CSMD1: variants seen among roughly 807,000 people sequenced by gnomAD.
CSMD1 encodes the protein CUB and Sushi multiple domains 1.
In CSMD1, 213 loss-of-function variants were observed where a neutral mutation model predicts 417.5. The ratio of observed to expected loss-of-function variants is 0.51; its 90% confidence interval spans 0.46 to 0.57. The LOEUF (loss-of-function observed/expected upper bound fraction) is 0.57, where lower values mean the gene tolerates loss of function less well. Among genes scored for constraint, CSMD1 ranks in the 20% least tolerant of loss-of-function variants. The probability of loss-of-function intolerance (pLI) is 0.00; values close to 1 mark genes in which losing one functional copy is unlikely to be tolerated. For synonymous variants in CSMD1, 2,862 were observed against 1,736.8 expected (o/e 1.65, Z -16.11); for missense variants, 6,923 against 4,529.7 (o/e 1.53, Z -15.17).
At chr8:3,142,140 A>G (rs530490636) in intron 41 of CSMD1, among the ~76,000 whole-genome samples, 7 of 152,046 alleles carry the variant, frequency 4.6e-5, no homozygotes, top group Non-Finnish European at 1.0e-4. Flanking sequence ...TGCTGGGGAG[A>G]CTGAATTGAG....
At chr8:4,730,525 G>C (rs1440398607) in intron 1 of CSMD1, among the ~76,000 whole-genome samples, 1 of 152,080 alleles carries the variant, frequency 6.6e-6, no homozygotes, top group Non-Finnish European at 1.5e-5. Flanking sequence ...CGGATCACGA[G>C]GTCAGGAGAT....
intron 3 of CSMD1, among the ~76,000 whole-genome samples, chr8:4,223,411 G>C (rs1801159240): frequency 6.6e-6 from 1 of 152,256 alleles, no homozygotes; most frequent in Non-Finnish European, 1.5e-5. Flanking sequence ...GCAGGAAAGG[G>C]CGTCATCGCC....
chr8:3,941,670 G>C (rs190582749), intron 5 of CSMD1, among the ~76,000 whole-genome samples: 1 of 152,266 alleles, frequency 6.6e-6, no homozygotes, highest in Admixed American at 6.5e-5. Flanking sequence ...AGCCCACGCA[G>C]AGTTTGACTA....
chr8:4,684,550 T>C (rs1806246850), intron 1 of CSMD1, among the ~76,000 whole-genome samples: 1 of 152,194 alleles, frequency 6.6e-6, no homozygotes, highest in African/African-American at 2.4e-5. Context: ...GATTTTCAAA[T>C]CTAGGCTTTG....
At chr8:4,696,205 G>C (rs933149609) in intron 1 of CSMD1, among the ~76,000 whole-genome samples, 2 of 152,206 alleles carry the variant, frequency 1.3e-5, no homozygotes, top group Non-Finnish European at 2.9e-5. Context: ...TATAGGATAT[G>C]TTATTTTCAG....
At chr8:4,711,896 G>A (rs1808324273) in intron 1 of CSMD1, among the ~76,000 whole-genome samples, 1 of 152,138 alleles carries the variant, frequency 6.6e-6, no homozygotes, top group African/African-American at 2.4e-5. Context: ...AATACCAGCT[G>A]GATTAAGTGC....
intron 2 of CSMD1, among the ~76,000 whole-genome samples, chr8:4,577,071 A>G (rs1243875878): frequency 6.6e-6 from 1 of 152,202 alleles, no homozygotes; most frequent in Admixed American, 6.5e-5. Flanking sequence ...GCCAAAAATG[A>G]TTATATGATA....
intron 25 of CSMD1, among the ~76,000 whole-genome samples, chr8:3,298,851 C>G (rs1448719705): frequency 6.6e-6 from 1 of 152,176 alleles, no homozygotes; most frequent in African/African-American, 2.4e-5. Flanking sequence ...GCTCAAAGGT[C>G]TATCCTGAGT....
At chr8:4,887,744 T>C (rs1169569769) in intron 1 of CSMD1, among the ~76,000 whole-genome samples, 1 of 152,048 alleles carries the variant, frequency 6.6e-6, no homozygotes, top group Non-Finnish European at 1.5e-5. Context: ...TGTTATATTT[T>C]CCTGATGAGT....
intron 9 of CSMD1, among the ~76,000 whole-genome samples, chr8:3,580,210 C>G (rs1187332339): frequency 6.6e-6 from 1 of 152,116 alleles, no homozygotes; most frequent in Non-Finnish European, 1.5e-5. Context: ...AGTTTCTTGC[C>G]TTCAGCAGGA....
intron 4 of CSMD1, among the ~76,000 whole-genome samples, chr8:4,022,983 G>A (rs923976319): frequency 3.3e-5 from 5 of 152,194 alleles, no homozygotes; most frequent in African/African-American, 1.2e-4. Flanking sequence ...TAGCAGTATG[G>A]CAAAGATGGG....
chr8:3,689,332 C>G (rs1170618830), intron 7 of CSMD1, among the ~76,000 whole-genome samples: 1 of 152,152 alleles, frequency 6.6e-6, no homozygotes, highest in Non-Finnish European at 1.5e-5. Flanking sequence ...CTAGTTAACT[C>G]CAGTATTGTC....
intron 1 of CSMD1, among the ~76,000 whole-genome samples, chr8:4,704,963 C>G (rs1379955602): frequency 6.6e-6 from 1 of 152,194 alleles, no homozygotes; most frequent in African/African-American, 2.4e-5. Context: ...GTGTCCAAAT[C>G]TAACTTCCAA....
At chr8:4,442,265 T>C (rs1798527933) in intron 2 of CSMD1, among the ~76,000 whole-genome samples, 1 of 152,170 alleles carries the variant, frequency 6.6e-6, no homozygotes. Context: ...TAAAATTTTG[T>C]TTTTATAACA....
At position 4,976,579 on chromosome 8, in the gene CSMD1, A is replaced by C. The variant is rs2117407114; in HGVS notation, c.85+17753T>G. Among the ~76,000 whole-genome samples, 2 of 152,318 alleles carry C rather than the reference A, an allele frequency of 1.3e-5. 1 individual carries two copies. Among genetic ancestry groups the C allele is most frequent in the South Asian group, 4.1e-4 (2 of 4,830 alleles). ...ACTGATTTGTTGTTAGTATGTCCAAAATAATGCAACAATTTATAAACAGCT... is the reference window on the plus strand; with the variant it reads ...ACTGATTTGTTGTTAGTATGTCCAACATAATGCAACAATTTATAAACAGCT... On this transcript the variant is annotated intron_variant, in intron 1 of 69. Transcript: ENST00000635120.
rs140262667 is a variant in CSMD1, at chr8:4,935,267, T to C, written c.85+59065A>G. 3.9e-4 allele frequency among the ~76,000 whole-genome samples: 60 copies of C among 152,300 alleles called. No individual in the cohort carries two copies. The East Asian group carries it at 0.011, about 28-fold the overall frequency. ...CACACCTTTCTTCTTCAGTTAGATA[T>C]CCTCAACCTGAAATTGTTCCCCATG... On this transcript the variant is annotated intron_variant, in intron 1 of 69. Transcript: ENST00000635120.
At chr8:4,259,457 A>C (rs1158862626) in intron 3 of CSMD1, among the ~76,000 whole-genome samples, 1 of 152,196 alleles carries the variant, frequency 6.6e-6, no homozygotes, top group Non-Finnish European at 1.5e-5. Flanking sequence ...AAAATGCCTT[A>C]AGCTTTAGGC....
In CSMD1 at chr8:4,710,390, ATAT is replaced by A. The variant is rs546911184; in HGVS notation, c.86-72835_86-72833del. Among the ~76,000 whole-genome samples, 246 of 148,208 alleles carry A rather than the reference ATAT, an allele frequency of 1.7e-3. 3 individuals are homozygous for A. Among genetic ancestry groups the A allele is most frequent in the African/African-American group, 5.7e-3 (235 of 40,902 alleles). ...ATAAACATATGAAGTAAATAAAAATATATTATTAAATATATAAATTTATAAATA... is the reference window on the plus strand; with the variant it reads ...ATAAACATATGAAGTAAATAAAAATATATTAAATATATAAATTTATAAATA... On this transcript the variant is annotated intron_variant, in intron 1 of 69. Transcript: ENST00000635120.
chr8:3,940,159 A>G (rs758885669), intron 5 of CSMD1, among the ~76,000 whole-genome samples: 1 of 152,110 alleles, frequency 6.6e-6, no homozygotes, highest in South Asian at 2.1e-4. Context: ...TAAGCTTGTC[A>G]TTGTGTTTCA....
Sources: allele counts gnomAD v4.1 joint callset (sites outside exome capture counted in the v4.1 genomes callset), GRCh38; gene constraint gnomAD v4.1.1; transcripts MANE v1.5; gene names NCBI Gene and HGNC (gene_info 2026-07-23, HGNC 2026-07-21).